SSBP2: variants seen among roughly 807,000 people sequenced by gnomAD.
The protein encoded by SSBP2 is single-stranded DNA-binding protein 2.
SSBP2 carries 17 observed loss-of-function variants against 61.8 expected under a neutral mutation model. The observed-to-expected ratio is 0.28, with a 90% CI of 0.19 to 0.41. The LOEUF is 0.41. Ranked by LOEUF, SSBP2 falls within the 10% of genes least tolerant of loss-of-function variation. SSBP2 has a pLI of 1.00. For synonymous variants in SSBP2, 139 were observed against 141.3 expected, an observed-to-expected ratio of 0.98 and a Z score of 0.12; for missense variants, 310 against 458.7, an observed-to-expected ratio of 0.68 and a Z score of 2.96.
At chr5:81,567,911 A>G (rs534253323) in intron 4 of SSBP2, among the ~76,000 whole-genome samples, 1 of 152,234 alleles carries the variant, frequency 6.6e-6, no homozygotes, top group South Asian at 2.1e-4. Flanking sequence ...GAATGGTTGT[A>G]TTTGCCCAAT....
intron 1 of SSBP2, among the ~76,000 whole-genome samples, chr5:81,687,552 CA>C (rs1752909292): frequency 6.6e-6 from 1 of 152,200 alleles, no homozygotes; most frequent in Non-Finnish European, 1.5e-5. Context: ...CTCCCTCAAT[CA>C]ACCCCAGGCA....
At chr5:81,614,177 G>A (rs1377886630) in intron 4 of SSBP2, among the ~76,000 whole-genome samples, 6 of 151,938 alleles carry the variant, frequency 3.9e-5, no homozygotes, top group African/African-American at 1.5e-4. Context: ...TGGCTAACAC[G>A]GTGAAACCCC....
Position 81,419,353 on chromosome 5 carries a change from C to A in SSBP2, c.*1151G>T, listed in dbSNP as rs140640916. 2 of 152,162 alleles carry A rather than the reference C, an allele frequency of 1.3e-5. No individual in the cohort carries two copies. Among genetic ancestry groups the A allele is most frequent in the Non-Finnish European group, 2.9e-5 (2 of 68,048 alleles). The allele number at this position is 152,162 out of a possible 1,614,324, so 9.4% of individuals were successfully genotyped here. ...AATTCTGCTGGTAGCAAGCAAGATA[C>A]CTGGATAGAAAAGCAGCATTCCAGA... On this transcript the variant is annotated 3_prime_UTR_variant, in exon 17 of 17. Transcript: ENST00000320672.
intron 10 of SSBP2, among the ~76,000 whole-genome samples, chr5:81,457,296 C>A (rs779076540): frequency 1.3e-5 from 2 of 151,980 alleles, no homozygotes; most frequent in Non-Finnish European, 2.9e-5. Context: ...ATGAATACAT[C>A]GTATATACAT....
chr5:81,598,460 T>C lies in SSBP2; in HGVS notation c.282+17013A>G, dbSNP rs925089211. Among the ~76,000 whole-genome samples the C allele has an allele frequency of 1.2e-4, 19 of 152,204 alleles. 1 individual carries two copies. The highest frequency in any genetic ancestry group is 7.3e-5 in the Non-Finnish European group (5 of 68,042). On this transcript the variant is annotated intron_variant, in intron 4 of 16. Transcript: ENST00000320672. Reference sequence around the variant, plus strand: ...CGTTCCCTACTACACCCTGTCTGAATATCTGGACCAAAGAACCCATAAGCA... The same window carrying C: ...CGTTCCCTACTACACCCTGTCTGAACATCTGGACCAAAGAACCCATAAGCA...
At chr5:81,670,584 T>C (rs2153787020) in intron 1 of SSBP2, among the ~76,000 whole-genome samples, 1 of 152,324 alleles carries the variant, frequency 6.6e-6, no homozygotes, top group East Asian at 1.9e-4. Flanking sequence ...GTAAATTTTA[T>C]ATCCCGTGAA....
At chr5:81,591,134 C>T (rs1339646147) in intron 4 of SSBP2, among the ~76,000 whole-genome samples, 1 of 152,188 alleles carries the variant, frequency 6.6e-6, no homozygotes, top group Non-Finnish European at 1.5e-5. Flanking sequence ...AGGCAGACCA[C>T]AGATTGAGTA....
At chr5:81,740,411 T>C (rs1756936579) in intron 1 of SSBP2, among the ~76,000 whole-genome samples, 1 of 151,558 alleles carries the variant, frequency 6.6e-6, no homozygotes, top group Non-Finnish European at 1.5e-5. Context: ...TTCAATCCAA[T>C]TATAAATGAC....
chr5:81,565,545 T>C (rs1414188152), intron 4 of SSBP2, among the ~76,000 whole-genome samples: 1 of 152,188 alleles, frequency 6.6e-6, no homozygotes, highest in Non-Finnish European at 1.5e-5. Flanking sequence ...ACTATAGTAA[T>C]ATAAATCTAT....
At chr5:81,632,548 C>G (rs1747823312) in intron 3 of SSBP2, among the ~76,000 whole-genome samples, 2 of 152,090 alleles carry the variant, frequency 1.3e-5, no homozygotes, top group South Asian at 4.2e-4. Context: ...GACATCAAAC[C>G]TACAAACATT....
At chr5:81,610,491 C>G (rs1265687473) in intron 4 of SSBP2, among the ~76,000 whole-genome samples, 2 of 152,098 alleles carry the variant, frequency 1.3e-5, no homozygotes, top group Non-Finnish European at 2.9e-5. Context: ...GTCTTTCCTT[C>G]TAGAGAGTTT....
chr5:81,655,897 A>G (rs956961820), intron 1 of SSBP2, among the ~76,000 whole-genome samples: 2 of 152,162 alleles, frequency 1.3e-5, no homozygotes, highest in Non-Finnish European at 2.9e-5. Flanking sequence ...CATGAATTCA[A>G]TATCTATAGT....
chr5:81,559,794 T>C (rs958594613), intron 4 of SSBP2, among the ~76,000 whole-genome samples: 8 of 151,972 alleles, frequency 5.3e-5, no homozygotes, highest in Non-Finnish European at 8.8e-5. Context: ...ATAAAGCAAC[T>C]GTCAAAATCT....
chr5:81,451,253 C>T (rs957904206), intron 10 of SSBP2, among the ~76,000 whole-genome samples: 4 of 152,074 alleles, frequency 2.6e-5, no homozygotes, highest in Admixed American at 1.3e-4. Flanking sequence ...TTGAAGCTAT[C>T]GTGCTCTTAC....
At chr5:81,604,099 TAAAGAA>T (rs942072358) in intron 4 of SSBP2, among the ~76,000 whole-genome samples, 1 of 152,084 alleles carries the variant, frequency 6.6e-6, no homozygotes, top group African/African-American at 2.4e-5. Context: ...GAAAATGTTA[TAAAGAA>T]AATCATAAAT....
In SSBP2 at chr5:81,472,162, G is replaced by A. The variant is rs377732312; in HGVS notation, c.570+1538C>T. On this transcript the variant is annotated intron_variant, in intron 8 of 16. Coordinates refer to ENST00000320672, the MANE Select transcript of SSBP2 (RefSeq NM_012446.5). ...ATTCTTTTAACCAGCTTTATGACAT[G>A]TTAATCTCTGACCCACGAGGTAGAA... Among the ~76,000 whole-genome samples, 14 of 152,242 alleles carry A rather than the reference G, an allele frequency of 9.2e-5. No individual in the cohort carries two copies. In the South Asian group the frequency reaches 2.7e-3, roughly 29 times the overall value.
At chr5:81,612,577 G>T (rs372178454) in intron 4 of SSBP2, among the ~76,000 whole-genome samples, 1 of 151,866 alleles carries the variant, frequency 6.6e-6, no homozygotes, top group Admixed American at 6.6e-5. Flanking sequence ...TATGCCTCCA[G>T]TATTTCTTTT....
chr5:81,513,580 C>T, intron 5 of SSBP2, 48 bp downstream of exon 5: 1 of 1,127,046 alleles, frequency 8.9e-7, no homozygotes, highest in Non-Finnish European at 1.3e-6. Context: ...TAAAATCAAA[C>T]AGGAGTTCCT....
rs1002395790 is a variant in SSBP2, at chr5:81,520,639, A to AT, written c.283-6923dup. ...TTTGTATTTAGAAATTTATTAAACA[A>AT]TTTTTTTTGTGGTCTAATCAATGAT... On this transcript the variant is annotated intron_variant, in intron 4 of 16. Transcript: ENST00000320672. Among the ~76,000 whole-genome samples the AT allele has an allele frequency of 3.6e-4, 54 of 152,010 alleles. 1 individual carries two copies. The South Asian group carries it at 9.2e-3, about 26-fold the overall frequency.
Sources: gnomAD v4.1 joint callset for allele counts (sites outside exome capture counted in the v4.1 genomes callset) on GRCh38, gnomAD v4.1.1 for gene constraint, MANE v1.5 for transcripts, NCBI Gene and HGNC (gene_info 2026-07-23, HGNC 2026-07-21) for gene names.